GOSR1: variants seen among roughly 807,000 people sequenced by gnomAD.
GOSR1 encodes the protein golgi SNAP receptor complex member 1, also known as 28 kDa Golgi SNARE protein.
A neutral mutation model predicts 35.5 loss-of-function variants in GOSR1; 21 were observed. That is an observed-to-expected ratio of 0.59 (90% CI 0.42 to 0.85). The LOEUF is 0.85. Ranked by LOEUF, GOSR1 falls within the 40% of genes least tolerant of loss-of-function variation. GOSR1 has a pLI of 0.00. For synonymous variants in GOSR1, 94 were observed against 106.6 expected, an observed-to-expected ratio of 0.88 and a Z score of 0.73; for missense variants, 285 against 309.6, an observed-to-expected ratio of 0.92 and a Z score of 0.60.
In GOSR1 at chr17:30,526,584, C is replaced by G. The variant is rs1005251456; in HGVS notation, c.*4206C>G. 1.3e-5 allele frequency: 2 copies of G among 152,632 alleles called. No individual in the cohort carries two copies. Among genetic ancestry groups the G allele is most frequent in the Non-Finnish European group, 2.9e-5 (2 of 68,040 alleles). 9.5% of individuals were successfully genotyped at this position (152,632 alleles called of 1,614,324 possible). A position where few individuals can be genotyped will look rare whatever the true frequency, so the allele number is the denominator to read the frequency against. On this transcript the variant is annotated 3_prime_UTR_variant, in exon 9 of 9. Coordinates refer to ENST00000451249, the MANE Select transcript of GOSR1 (RefSeq NM_001007025.2). ...AAGGGAGGAGGGAAATCAATTCCAA[C>G]CATACTTTCCTGTGATGGAAGATGT... is the stretch of plus-strand genomic sequence containing the variant.
At chr17:30,502,836 A>G (rs917622450) in intron 6 of GOSR1, among the ~76,000 whole-genome samples, 1 of 152,256 alleles carries the variant, frequency 6.6e-6, no homozygotes, top group African/African-American at 2.4e-5. Context: ...GTATATATGT[A>G]TTCTACTGCA....
chr17:30,516,112 G>T (rs1233123809), intron 7 of GOSR1, among the ~76,000 whole-genome samples: 1 of 150,588 alleles, frequency 6.6e-6, no homozygotes, highest in African/African-American at 2.5e-5. Flanking sequence ...TTAGACACTT[G>T]TATATTGTAT....
At chr17:30,499,397 A>G (rs911322673) in intron 6 of GOSR1, among the ~76,000 whole-genome samples, 5 of 140,790 alleles carry the variant, frequency 3.6e-5, no homozygotes, top group Non-Finnish European at 7.5e-5. Flanking sequence ...GCTGGAGTGC[A>G]GTGGCGCAAT....
intron 6 of GOSR1, among the ~76,000 whole-genome samples, chr17:30,498,581 G>A (rs1289319541): frequency 1.3e-5 from 2 of 152,152 alleles, no homozygotes; most frequent in African/African-American, 4.8e-5. Context: ...TCTCCAAGTA[G>A]AGATAGAAAA....
At position 30,494,568 on chromosome 17, in the gene GOSR1, G is replaced by A. The variant is rs1438766958; in HGVS notation, c.509+1815G>A. On this transcript the variant is annotated intron_variant, in intron 6 of 8. Transcript: ENST00000451249. ...AAAAGTATCTAGTTAATTTTGTATA[G>A]TTCTTCTCCCCACCCCAAGAATTTC... 3.3e-5 allele frequency among the ~76,000 whole-genome samples: 5 copies of A among 151,880 alleles called. No individual in the cohort carries two copies. The East Asian group carries it at 5.8e-4, about 18-fold the overall frequency.
intron 6 of GOSR1, among the ~76,000 whole-genome samples, chr17:30,498,791 G>A (rs550523976): frequency 6.6e-6 from 1 of 152,162 alleles, no homozygotes; most frequent in Non-Finnish European, 1.5e-5. Context: ...TGAGCAGTGG[G>A]GGGGCTCTGA....
intron 6 of GOSR1, among the ~76,000 whole-genome samples, chr17:30,499,406 A>G (rs1046717180): frequency 2.0e-5 from 3 of 149,282 alleles, no homozygotes; most frequent in African/African-American, 4.9e-5. Flanking sequence ...CAGTGGCGCA[A>G]TCTTGGCTCA....
In GOSR1 at chr17:30,484,237, A is replaced by G; in HGVS notation, c.170A>G (p.Asn57Ser). The change falls in exon 3 of 9, where the codon AAT becomes AGT. Residue 57 changes from asparagine to serine, a missense_variant. Around this residue, in one of 3 missense-constraint regions of GOSR1, gnomAD observed 108 missense variants for 98.9 expected, o/e 1.09. Coordinates refer to ENST00000451249, the MANE Select transcript of GOSR1 (RefSeq NM_001007025.2). ...AGTTCTGATACAACACCCCTTTTAA[A>G]TGGATCAAGCCAAGACAGAATGTTT... is the stretch of plus-strand genomic sequence containing the variant. ...RDSSDTTPLL[N>S]GSSQDRMFET... 1 of 1,609,512 alleles carries G rather than the reference A, an allele frequency of 6.2e-7. No individual in the cohort carries two copies. Among genetic ancestry groups the G allele is most frequent in the Admixed American group, 1.7e-5 (1 of 60,018 alleles).
chr17:30,518,807 A>G (rs1967914358), intron 7 of GOSR1, among the ~76,000 whole-genome samples: 1 of 151,846 alleles, frequency 6.6e-6, no homozygotes, highest in Non-Finnish European at 1.5e-5. Flanking sequence ...GCCAGGCATG[A>G]TGGCACATGC....
Position 30,485,140 on chromosome 17 carries a change from G to A in GOSR1, c.342+370G>A, listed in dbSNP as rs548735602. On this transcript the variant is annotated intron_variant, in intron 4 of 8. Coordinates refer to ENST00000451249, the MANE Select transcript of GOSR1 (RefSeq NM_001007025.2). The stretch of plus-strand genomic sequence containing the variant: ...TAGCTTTGAAGATAATATGGAGGGG[G>A]AATTATTTACTATACTTAGTATATT... The A allele has an allele frequency of 2.5e-4, 79 of 317,406 alleles. No homozygotes were observed. The East Asian group carries it at 5.7e-3, about 23-fold the overall frequency. 19.7% of individuals were successfully genotyped at this position (317,406 alleles called of 1,614,324 possible).
intron 6 of GOSR1, among the ~76,000 whole-genome samples, chr17:30,501,122 C>T (rs1028544648): frequency 4.6e-5 from 7 of 152,002 alleles, no homozygotes; most frequent in African/African-American, 9.7e-5. Flanking sequence ...CCTCGTGATC[C>T]GCCCGCCTCG....
intron 6 of GOSR1, among the ~76,000 whole-genome samples, chr17:30,494,931 G>T (rs1966939326): frequency 1.3e-5 from 2 of 150,290 alleles, no homozygotes; most frequent in South Asian, 2.1e-4. Context: ...TGACTTGAGG[G>T]TCTCACTCTG....
chr17:30,509,768 T>A (rs112527353), intron 6 of GOSR1, among the ~76,000 whole-genome samples: 10 of 152,308 alleles, frequency 6.6e-5, no homozygotes, highest in African/African-American at 2.4e-4. Context: ...TTTCTTAAGA[T>A]TCTTGAATTC....
intron 6 of GOSR1, among the ~76,000 whole-genome samples, chr17:30,507,040 G>A (rs1374306513): frequency 1.3e-5 from 2 of 152,196 alleles, no homozygotes; most frequent in Non-Finnish European, 2.9e-5. Context: ...CTCTTTGACA[G>A]TGCACCTCTG....
chr17:30,526,050 G>A lies in GOSR1; in HGVS notation c.*3672G>A, dbSNP rs1345190699. The A allele has an allele frequency of 2.6e-5, 4 of 152,112 alleles. No individual in the cohort carries two copies. The highest frequency in any genetic ancestry group is 4.4e-5 in the Non-Finnish European group (3 of 68,016). 9.4% of individuals were successfully genotyped at this position (152,112 alleles called of 1,614,324 possible). On this transcript the variant is annotated 3_prime_UTR_variant, in exon 9 of 9. Coordinates refer to ENST00000451249, the MANE Select transcript of GOSR1 (RefSeq NM_001007025.2). ...GGGGCTCCGTGGGGATCCCATGAAG[G>A]GATTTGAGCTCTTTCAGCTCCATGT...
chr17:30,498,498 C>T (rs537735145), intron 6 of GOSR1, among the ~76,000 whole-genome samples: 8 of 152,308 alleles, frequency 5.3e-5, no homozygotes, highest in African/African-American at 1.7e-4. Context: ...GGAGTCATTA[C>T]TCTGCTGAAG....
chr17:30,516,136 A>G (rs1337633012), intron 7 of GOSR1, among the ~76,000 whole-genome samples: 2 of 152,324 alleles, frequency 1.3e-5, no homozygotes, highest in East Asian at 3.9e-4. Flanking sequence ...ATACAAGTAC[A>G]GTGTTCTTAT....
intron 7 of GOSR1, 167 bp from the exon 8 acceptor site, chr17:30,519,772 G>T (rs914384999): frequency 1.8e-6 from 1 of 555,692 alleles, no homozygotes; most frequent in African/African-American, 1.9e-5. Flanking sequence ...TTTGGAAAAA[G>T]CGCAGTGGTA....
At chr17:30,480,387 C>T (rs1407250487) in intron 1 of GOSR1, among the ~76,000 whole-genome samples, 1 of 151,776 alleles carries the variant, frequency 6.6e-6, no homozygotes, top group East Asian at 1.9e-4. Flanking sequence ...AGCTTTGGAA[C>T]ATAAAAAGCA....
Sources: allele counts gnomAD v4.1 joint callset (sites outside exome capture counted in the v4.1 genomes callset), GRCh38; gene constraint gnomAD v4.1.1; regional missense constraint gnomAD v4.1.1; transcripts MANE v1.5; gene names NCBI Gene and HGNC (gene_info 2026-07-23, HGNC 2026-07-21).